NKAIN3: variants seen among roughly 807,000 people sequenced by gnomAD.
NKAIN3 encodes the protein sodium/potassium-transporting ATPase subunit beta-1-interacting protein 3.
NKAIN3 carries 25 observed loss-of-function variants against 30.2 expected under a neutral mutation model. The observed-to-expected ratio is 0.83, with a 90% CI of 0.60 to 1.16. The LOEUF is 1.16. Ranked by LOEUF, NKAIN3 falls within the 50% of genes most tolerant of loss-of-function variation. The pLI is 0.00. For missense variants in NKAIN3, 225 were observed against 254.1 expected (o/e 0.89, Z 0.78); for synonymous variants, 91 against 89.6 (o/e 1.02, Z -0.09).
chr8:62,871,418 A>AAC (rs71255368), intron 4 of NKAIN3, among the ~76,000 whole-genome samples: 95,752 of 142,106 alleles, frequency 0.67, 33,126 homozygotes, highest in African/African-American at 0.76. Flanking sequence ...AAAAAAAAAA[A>AAC]CAAAAACAAA....
chr8:62,751,888 A>T (rs1382738982), intron 4 of NKAIN3, among the ~76,000 whole-genome samples: 2 of 151,130 alleles, frequency 1.3e-5, no homozygotes, highest in Non-Finnish European at 2.9e-5. Context: ...TCACTCCCTC[A>T]GGCTGTACTA....
intron 1 of NKAIN3, among the ~76,000 whole-genome samples, chr8:62,554,321 A>T (rs139588259): frequency 6.6e-6 from 1 of 152,306 alleles, no homozygotes; most frequent in Non-Finnish European, 1.5e-5. Flanking sequence ...TCCAAGATTC[A>T]AAGAATGAGA....
At position 62,376,219 on chromosome 8, in the gene NKAIN3, C is replaced by T. The variant is rs542890465; in HGVS notation, c.54+127092C>T. Among the ~76,000 whole-genome samples, 44 of 152,234 alleles carry T rather than the reference C, an allele frequency of 2.9e-4. No homozygotes were observed. The East Asian group carries it at 3.9e-3, about 13-fold the overall frequency. ...GTGCTCTATGTTTGCAGATCCTTCA[C>T]GCATGGGAAACACTATGGTGTATGA... On this transcript the variant is annotated intron_variant, in intron 1 of 6. Coordinates refer to ENST00000623646, the MANE Select transcript of NKAIN3 (RefSeq NM_001304533.3).
chr8:62,894,972 G>A (rs528230145), intron 4 of NKAIN3, among the ~76,000 whole-genome samples: 404 of 152,262 alleles, frequency 2.7e-3, no homozygotes, highest in Non-Finnish European at 3.3e-3. Flanking sequence ...GAGCTTTCTT[G>A]AAAATCCCAC....
At chr8:62,790,185 C>T (rs1406388475) in intron 4 of NKAIN3, among the ~76,000 whole-genome samples, 3 of 152,072 alleles carry the variant, frequency 2.0e-5, no homozygotes, top group Admixed American at 6.6e-5. Context: ...TTTAATCCAG[C>T]ATATAAACAG....
At chr8:62,598,592 G>A (rs1810903844) in intron 3 of NKAIN3, among the ~76,000 whole-genome samples, 2 of 152,022 alleles carry the variant, frequency 1.3e-5, no homozygotes, top group African/African-American at 2.4e-5. Flanking sequence ...CTGCTACATA[G>A]GGGCAGTGCA....
intron 4 of NKAIN3, among the ~76,000 whole-genome samples, chr8:62,790,799 C>A (rs944452534): frequency 6.6e-6 from 1 of 152,150 alleles, no homozygotes; most frequent in African/African-American, 2.4e-5. Flanking sequence ...AAGTGCTACT[C>A]ACAGTGATGG....
intron 1 of NKAIN3, among the ~76,000 whole-genome samples, chr8:62,326,603 A>G (rs1039931122): frequency 4.0e-5 from 6 of 151,806 alleles, no homozygotes; most frequent in Admixed American, 3.3e-4. Flanking sequence ...GGTATTTTCA[A>G]CTTCCCTATG....
At chr8:62,612,504 T>G (rs1344874110) in intron 3 of NKAIN3, among the ~76,000 whole-genome samples, 1 of 151,090 alleles carries the variant, frequency 6.6e-6, no homozygotes, top group Non-Finnish European at 1.5e-5. Context: ...ATAGGTGATG[T>G]GTGTTTCTTG....
At chr8:62,772,817 C>T (rs1421192587) in intron 4 of NKAIN3, among the ~76,000 whole-genome samples, 3 of 152,056 alleles carry the variant, frequency 2.0e-5, no homozygotes, top group Middle Eastern at 3.4e-3. Flanking sequence ...CACGCTGCCA[C>T]GTCCAACTAA....
At chr8:62,998,703 A>T (rs1329801794) in intron 5 of NKAIN3, among the ~76,000 whole-genome samples, 1 of 152,192 alleles carries the variant, frequency 6.6e-6, no homozygotes, top group African/African-American at 2.4e-5. Flanking sequence ...AGTTTTCTTG[A>T]GGATGATTGT....
chr8:62,750,110 G>A (rs1319965424), intron 4 of NKAIN3, among the ~76,000 whole-genome samples: 1 of 151,998 alleles, frequency 6.6e-6, no homozygotes, highest in Non-Finnish European at 1.5e-5. Context: ...AGGGGCGTGG[G>A]CAACAACCAA....
rs575083076 is a variant in NKAIN3, at chr8:62,853,057, C to A, written c.472-65396C>A. Among the ~76,000 whole-genome samples the A allele has an allele frequency of 3.3e-3, 497 of 151,992 alleles. 5 individuals are homozygous for A. The highest frequency in any genetic ancestry group is 0.01 in the Middle Eastern group (3 of 294). Reference sequence around the variant, plus strand: ...CTGTCTAATGTTGACAGTGGGGTAACAAAGTCTCCCATTATTATTGTATGG... The same window carrying A: ...CTGTCTAATGTTGACAGTGGGGTAAAAAAGTCTCCCATTATTATTGTATGG... On this transcript the variant is annotated intron_variant, in intron 4 of 6. Transcript: ENST00000623646.
intron 1 of NKAIN3, among the ~76,000 whole-genome samples, chr8:62,292,377 T>A (rs1167689768): frequency 6.6e-6 from 1 of 152,202 alleles, no homozygotes; most frequent in African/African-American, 2.4e-5. Context: ...CTGGTACCAG[T>A]TGTTCCTTTC....
intron 5 of NKAIN3, among the ~76,000 whole-genome samples, chr8:62,945,291 A>C (rs1399816470): frequency 6.6e-6 from 1 of 152,242 alleles, no homozygotes; most frequent in Non-Finnish European, 1.5e-5. Flanking sequence ...ATATGTGCCC[A>C]AAAATACATA....
chr8:62,762,408 C>G (rs191020662), intron 4 of NKAIN3, among the ~76,000 whole-genome samples: 1 of 151,154 alleles, frequency 6.6e-6, no homozygotes, highest in African/African-American at 2.4e-5. Context: ...CCAAGGGAAA[C>G]AAAAATTCAT....
At chr8:62,631,607 A>T (rs1811961410) in intron 3 of NKAIN3, among the ~76,000 whole-genome samples, 1 of 152,158 alleles carries the variant, frequency 6.6e-6, no homozygotes, top group African/African-American at 2.4e-5. Flanking sequence ...TTCACTTCTC[A>T]TGTTAACCTT....
Position 62,980,049 on chromosome 8 carries a change from G to C in NKAIN3, c.*14642G>C, listed in dbSNP as rs1824039372. The C allele has an allele frequency of 1.3e-5, 2 of 152,296 alleles. No homozygotes were observed. The highest frequency in any genetic ancestry group is 6.5e-5 in the Admixed American group (1 of 15,294). 9.4% of individuals were successfully genotyped at this position (152,296 alleles called of 1,614,324 possible). On this transcript the variant is annotated 3_prime_UTR_variant, in exon 7 of 7. Transcript: ENST00000623646. ...AGGAAATCCTAGACCTCAGATCACT[G>C]TTCTTTGCTTCCCAAAAGACAGAAC...
At chr8:62,886,214 C>T (rs530399460) in intron 4 of NKAIN3, among the ~76,000 whole-genome samples, 1 of 151,988 alleles carries the variant, frequency 6.6e-6, no homozygotes, top group Non-Finnish European at 1.5e-5. Context: ...ACAACAATTT[C>T]ATGTCCACTT....
Sources: allele counts gnomAD v4.1 joint callset (sites outside exome capture counted in the v4.1 genomes callset), GRCh38; gene constraint gnomAD v4.1.1; transcripts MANE v1.5; gene names NCBI Gene and HGNC (gene_info 2026-07-23, HGNC 2026-07-21).